PLEKHB2: variants seen among roughly 807,000 people sequenced by gnomAD.
The protein encoded by PLEKHB2 is pleckstrin homology domain-containing family B member 2.
In PLEKHB2, 31 loss-of-function variants were observed where a neutral mutation model predicts 36.5. The ratio of observed to expected loss-of-function variants is 0.85; its 90% CI spans 0.64 to 1.15. PLEKHB2 has a LOEUF of 1.15. Ranked by LOEUF, PLEKHB2 falls within the 50% of genes most tolerant of loss-of-function variation. PLEKHB2 has a pLI of 0.00. For missense variants in PLEKHB2, 262 were observed against 295.3 expected (o/e 0.89, Z 0.83); for synonymous variants, 119 against 112.0 (o/e 1.06, Z -0.39).
At chr2:131,106,240 A>G (rs1398704827) in intron 1 of PLEKHB2, among the ~76,000 whole-genome samples, 2 of 152,168 alleles carry the variant, frequency 1.3e-5, no homozygotes, top group East Asian at 1.9e-4. Flanking sequence ...TTAAAGGAAC[A>G]TGGTTAATTC....
Position 131,126,505 on chromosome 2 carries a change from C to T in PLEKHB2, c.191-179C>T, listed in dbSNP as rs538891189. On this transcript the variant is annotated intron_variant, in intron 3 of 7. Coordinates refer to ENST00000693505, the MANE Select transcript of PLEKHB2 (RefSeq NM_001100623.2). ...TATTTTGTGGACGTCATCTTGGCAG[C>T]TGGTCTTGTCAGTCAGCCTAGCTAT... is the stretch of plus-strand genomic sequence containing the variant. Among the ~76,000 whole-genome samples, 268 of 152,268 alleles carry T rather than the reference C, an allele frequency of 1.8e-3. 1 individual carries two copies. Among genetic ancestry groups the T allele is most frequent in the African/African-American group, 5.8e-3 (240 of 41,552 alleles).
At chr2:131,141,823 A>C (rs1036861160) in intron 7 of PLEKHB2, among the ~76,000 whole-genome samples, 1 of 152,214 alleles carries the variant, frequency 6.6e-6, no homozygotes, top group Non-Finnish European at 1.5e-5. Context: ...TGGTAGACTA[A>C]TTGGTATAAA....
Position 131,123,116 on chromosome 2 carries a change from A to G in PLEKHB2, c.37+2138A>G, listed in dbSNP as rs550647930. On this transcript the variant is annotated intron_variant, in intron 2 of 7. Coordinates refer to ENST00000693505, the MANE Select transcript of PLEKHB2 (RefSeq NM_001100623.2). Reference sequence around the variant, plus strand: ...TGTACACAAAATAGATGTACTTTAAATAAGTCACATAGACTTTTCCAGTGT... The same window carrying G: ...TGTACACAAAATAGATGTACTTTAAGTAAGTCACATAGACTTTTCCAGTGT... 4.6e-5 allele frequency among the ~76,000 whole-genome samples: 7 copies of G among 152,378 alleles called. No individual in the cohort carries two copies. The South Asian group carries it at 1.0e-3, about 23-fold the overall frequency.
At chr2:131,109,448 T>C (rs1478313334) in intron 1 of PLEKHB2, among the ~76,000 whole-genome samples, 1 of 152,054 alleles carries the variant, frequency 6.6e-6, no homozygotes, top group Non-Finnish European at 1.5e-5. Context: ...CCAGCACTTT[T>C]GGAGGCTGAG....
At chr2:131,110,302 G>T (rs1695163903) in intron 1 of PLEKHB2, among the ~76,000 whole-genome samples, 1 of 149,724 alleles carries the variant, frequency 6.7e-6, no homozygotes, top group Admixed American at 6.7e-5. Flanking sequence ...ACTCGGTCCT[G>T]CTCCAGTCTG....
At position 131,111,884 on chromosome 2, in the gene PLEKHB2, A is replaced by G. The variant is rs571776674; in HGVS notation, c.-9+6486A>G. Among the ~76,000 whole-genome samples the G allele has an allele frequency of 3.1e-4, 47 of 152,136 alleles. No homozygotes were observed. The East Asian group carries it at 7.0e-3, about 23-fold the overall frequency. ...GAAAATTTTATTTTCTTTAATCTCT[A>G]TCTTTTATGGTCTAGATTTTTCTCC... On this transcript the variant is annotated intron_variant, in intron 1 of 7. Transcript: ENST00000693505.
chr2:131,116,174 C>T (rs114179883), intron 1 of PLEKHB2, among the ~76,000 whole-genome samples: 3,192 of 152,236 alleles, frequency 0.021, 117 homozygotes, highest in African/African-American at 0.072. Context: ...ATGAAAGATA[C>T]GTTTATAATG....
chr2:131,133,762 A>G (rs1288247868), intron 6 of PLEKHB2, among the ~76,000 whole-genome samples: 1 of 152,194 alleles, frequency 6.6e-6, no homozygotes, highest in Non-Finnish European at 1.5e-5. Flanking sequence ...CCAGCTCTAT[A>G]GTTTTATCAT....
At position 131,149,638 on chromosome 2, in the gene PLEKHB2, T is replaced by C. The variant is rs1358805305; in HGVS notation, c.*2865T>C. ...GTATTTTCCACAAGTTTTGATCCTG[T>C]GTAATATTTCTTTTTCCTTCCCTAG... On this transcript the variant is annotated 3_prime_UTR_variant, in exon 8 of 8. Coordinates refer to ENST00000693505, the MANE Select transcript of PLEKHB2 (RefSeq NM_001100623.2). 2.6e-5 allele frequency: 4 copies of C among 152,250 alleles called. No individual in the cohort carries two copies. The highest frequency in any genetic ancestry group is 9.6e-5 in the African/African-American group (4 of 41,458). The allele number at this position is 152,250 out of a possible 1,614,324, so 9.4% of individuals were successfully genotyped here.
intron 6 of PLEKHB2, among the ~76,000 whole-genome samples, chr2:131,133,528 G>T (rs1697931484): frequency 6.6e-6 from 1 of 152,210 alleles, no homozygotes. Context: ...TGCTTTTTAT[G>T]TGTTTTCCCC....
At chr2:131,113,059 A>T (rs888018344) in intron 1 of PLEKHB2, among the ~76,000 whole-genome samples, 1 of 151,096 alleles carries the variant, frequency 6.6e-6, no homozygotes, top group Non-Finnish European at 1.5e-5. Context: ...GTTGAATTGC[A>T]GGACACCTAG....
Position 131,125,914 on chromosome 2 carries a change from G to T in PLEKHB2, c.190+9G>T. 3 of 1,610,588 alleles carry T rather than the reference G, an allele frequency of 1.9e-6. No individual in the cohort carries two copies. Among genetic ancestry groups the T allele is most frequent in the Non-Finnish European group, 2.5e-6 (3 of 1,178,752 alleles). ...GGGGCAGGAATGTCGGGGTAAGCTG[G>T]CCTGTCTTGGCCAACTTCTGTCTTC... is the stretch of plus-strand genomic sequence containing the variant. On this transcript the variant is annotated intron_variant, in intron 3 of 7. Transcript: ENST00000693505.
intron 2 of PLEKHB2, among the ~76,000 whole-genome samples, chr2:131,123,610 T>C (rs1479544515): frequency 1.3e-5 from 2 of 152,128 alleles, no homozygotes; most frequent in Non-Finnish European, 2.9e-5. Flanking sequence ...CTGCAACCTC[T>C]GCCTCCTGGC....
At position 131,147,409 on chromosome 2, in the gene PLEKHB2, T is replaced by C. The variant is rs2105004745; in HGVS notation, c.*636T>C. 6.6e-6 allele frequency: 1 copy of C among 152,462 alleles called. No individual in the cohort carries two copies. Among genetic ancestry groups the C allele is most frequent in the East Asian group, 1.9e-4 (1 of 5,188 alleles). 9.4% of individuals were successfully genotyped at this position (152,462 alleles called of 1,614,324 possible). ...CCCTAGCTGCTGCTGCTGCTCACTTTATTCTTGTATGGCTTTGGTAGGCAT... is the reference window on the plus strand; with the variant it reads ...CCCTAGCTGCTGCTGCTGCTCACTTCATTCTTGTATGGCTTTGGTAGGCAT... On this transcript the variant is annotated 3_prime_UTR_variant, in exon 8 of 8. Transcript: ENST00000693505.
chr2:131,131,350 TAGAA>T (rs1180700034), intron 5 of PLEKHB2, among the ~76,000 whole-genome samples: 2 of 152,208 alleles, frequency 1.3e-5, no homozygotes, highest in African/African-American at 4.8e-5. Flanking sequence ...AGTAAAGGCT[TAGAA>T]AGAACTGCAG....
intron 4 of PLEKHB2, among the ~76,000 whole-genome samples, chr2:131,127,803 C>G (rs73962914): frequency 0.014 from 2,172 of 152,282 alleles, 56 homozygotes; most frequent in African/African-American, 0.048. Flanking sequence ...ACCCTGTAAT[C>G]TGGAGTGATG....
intron 1 of PLEKHB2, 97 bp from the exon 2 acceptor site, chr2:131,120,837 T>C (rs963432942): frequency 7.8e-7 from 1 of 1,277,792 alleles, no homozygotes; most frequent in African/African-American, 1.5e-5. Flanking sequence ...GGGCCCTTCC[T>C]CAGCTGATGC....
intron 7 of PLEKHB2, among the ~76,000 whole-genome samples, chr2:131,144,993 T>C (rs988471837): frequency 6.6e-6 from 1 of 152,242 alleles, no homozygotes; most frequent in Non-Finnish European, 1.5e-5. Context: ...TCCAGTACTG[T>C]TACCTGTACC....
intron 1 of PLEKHB2, among the ~76,000 whole-genome samples, chr2:131,108,809 G>A (rs765131563): frequency 6.6e-6 from 1 of 152,178 alleles, no homozygotes. Context: ...AGTAATAATT[G>A]CTGTCAAAGC....
Sources: gnomAD v4.1 joint callset for allele counts (sites outside exome capture counted in the v4.1 genomes callset) on GRCh38, gnomAD v4.1.1 for gene constraint, MANE v1.5 for transcripts, NCBI Gene and HGNC (gene_info 2026-07-23, HGNC 2026-07-21) for gene names.